The following ACTR3C variants were observed in gnomAD, a reference collection of about 807,000 sequenced individuals.
ACTR3C encodes actin-related protein 3C.
Under a neutral mutation model 26.3 loss-of-function variants are expected in ACTR3C, and 18 were observed. That is an observed-to-expected ratio of 0.68 (90% CI 0.47 to 1.01). The LOEUF (loss-of-function observed/expected upper bound fraction) is 1.01. ACTR3C is among the 50% of genes least tolerant of loss of function. The probability of loss-of-function intolerance (pLI) is 0.00; values close to 1 mark genes in which losing one functional copy is unlikely to be tolerated. For missense variants in ACTR3C, 184 were observed against 250.7 expected (o/e 0.73, Z 1.80); for synonymous variants, 55 against 94.5 (o/e 0.58, Z 2.42).
chr7:150,097,804 T>C, the ACTR3C span, among the ~76,000 whole-genome samples: 2 of 151,562 alleles, frequency 1.3e-5, no homozygotes, highest in Admixed American at 6.6e-5. Context: ...TCCTGTCATC[T>C]GTATTTCTCT....
the ACTR3C span, among the ~76,000 whole-genome samples, chr7:150,206,219 A>T: frequency 6.6e-6 from 1 of 152,166 alleles, no homozygotes; most frequent in Non-Finnish European, 1.5e-5. Context: ...TATCTTATAC[A>T]GCCTCCTTCA....
chr7:149,889,649 A>G, the ACTR3C span, among the ~76,000 whole-genome samples: 3 of 152,154 alleles, frequency 2.0e-5, no homozygotes, highest in Admixed American at 6.5e-5. Flanking sequence ...GATGGGGGAA[A>G]TGTAAGTAGG....
At chr7:150,033,348 C>T in the ACTR3C span, among the ~76,000 whole-genome samples, 1 of 152,218 alleles carries the variant, frequency 6.6e-6, no homozygotes, top group African/African-American at 2.4e-5. Context: ...GATGCTCTAG[C>T]TGTGCTCTGT....
chr7:150,096,045 AG>A, the ACTR3C span, among the ~76,000 whole-genome samples: 17 of 148,488 alleles, frequency 1.1e-4, no homozygotes, highest in Admixed American at 1.1e-3. Flanking sequence ...AAAAAAATTC[AG>A]AGTTAAAAGA....
chr7:149,967,519 G>A, the ACTR3C span, among the ~76,000 whole-genome samples: 1 of 152,310 alleles, frequency 6.6e-6, no homozygotes, highest in Admixed American at 6.5e-5. Context: ...GGAGCTAGGA[G>A]GGTGAGGTTG....
the ACTR3C span, among the ~76,000 whole-genome samples, chr7:150,054,498 C>T: frequency 6.6e-5 from 10 of 152,344 alleles, no homozygotes; most frequent in East Asian, 3.9e-4. Flanking sequence ...TATTGACAGC[C>T]GATGCTTTAG....
intron 1 of ACTR3C, among the ~76,000 whole-genome samples, chr7:150,309,239 G>A (rs1796072505): frequency 6.6e-6 from 1 of 152,144 alleles, no homozygotes; most frequent in South Asian, 2.1e-4. Context: ...GCTTAAAGAA[G>A]CCACTCAAGG....
At chr7:150,074,626 TG>T in the ACTR3C span, among the ~76,000 whole-genome samples, 1 of 145,764 alleles carries the variant, frequency 6.9e-6, no homozygotes, top group Non-Finnish European at 1.5e-5. Context: ...TGGTTTCATG[TG>T]GGCTGAAGCC....
the ACTR3C span, among the ~76,000 whole-genome samples, chr7:150,141,584 CAG>C: frequency 3.9e-5 from 6 of 151,900 alleles, 1 homozygote; most frequent in Non-Finnish European, 7.4e-5. Context: ...CCTTAGTGAC[CAG>C]AAGCATCGGA....
At chr7:149,908,178 G>A in the ACTR3C span, among the ~76,000 whole-genome samples, 2 of 152,196 alleles carry the variant, frequency 1.3e-5, no homozygotes, top group East Asian at 1.9e-4. Context: ...TCTGCAGGCC[G>A]TGGGGAGAGG....
At chr7:150,051,467 G>A in the ACTR3C span, among the ~76,000 whole-genome samples, 310 of 149,312 alleles carry the variant, frequency 2.1e-3, no homozygotes, top group African/African-American at 7.3e-3. Flanking sequence ...TAGGTGTAGT[G>A]GTTCGGAAGG....
the ACTR3C span, among the ~76,000 whole-genome samples, chr7:150,018,120 G>A: frequency 2.7e-5 from 4 of 150,242 alleles, no homozygotes; most frequent in Non-Finnish European, 4.4e-5. Flanking sequence ...AGGCACTTTC[G>A]TTTTTGAGAT....
chr7:150,086,239 C>T, the ACTR3C span, among the ~76,000 whole-genome samples: 499 of 152,272 alleles, frequency 3.3e-3, 4 homozygotes, highest in African/African-American at 0.012. Context: ...CTGCCTCAGC[C>T]TCCCAAAGTG....
At chr7:149,990,872 G>A in the ACTR3C span, among the ~76,000 whole-genome samples, 4 of 152,196 alleles carry the variant, frequency 2.6e-5, no homozygotes, top group Non-Finnish European at 5.9e-5. Flanking sequence ...CAGTTCCATA[G>A]GTCACAGCTG....
At chr7:150,140,429 G>T in the ACTR3C span, among the ~76,000 whole-genome samples, 2 of 152,138 alleles carry the variant, frequency 1.3e-5, no homozygotes, top group African/African-American at 4.8e-5. Context: ...TCTACTGTGG[G>T]TAAAATGTTA....
At chr7:150,318,113 G>C (rs1328512690) in intron 1 of ACTR3C, among the ~76,000 whole-genome samples, 1 of 152,200 alleles carries the variant, frequency 6.6e-6, no homozygotes, top group African/African-American at 2.4e-5. Flanking sequence ...GAGAAGACGA[G>C]AAGAATAGAG....
the ACTR3C span, among the ~76,000 whole-genome samples, chr7:150,064,644 T>TCACACA: frequency 2.0e-3 from 202 of 99,472 alleles, no homozygotes; most frequent in Middle Eastern, 0.01. Context: ...TTGTTTATTT[T>TCACACA]CACATACACA....
chr7:149,972,128 T>C, the ACTR3C span, among the ~76,000 whole-genome samples: 1 of 152,276 alleles, frequency 6.6e-6, no homozygotes, highest in East Asian at 1.9e-4. Context: ...ATCTCACGGA[T>C]CTCCCAGCTT....
the ACTR3C span, among the ~76,000 whole-genome samples, chr7:150,213,646 T>C: frequency 6.6e-6 from 1 of 152,038 alleles, no homozygotes; most frequent in Non-Finnish European, 1.5e-5. Context: ...GGAAGTTCTA[T>C]GGATCTAAAC....
Sources: gnomAD v4.1 joint callset for allele counts (sites outside exome capture counted in the v4.1 genomes callset) on GRCh38, gnomAD v4.1.1 for gene constraint, MANE v1.5 for transcripts, NCBI Gene and HGNC (gene_info 2026-07-23, HGNC 2026-07-21) for gene names.